EPB41L4A: variants seen among roughly 807,000 people sequenced by gnomAD.
EPB41L4A encodes the protein band 4.1-like protein 4A.
Under a neutral mutation model 108.6 loss-of-function variants are expected in EPB41L4A, and 100 were observed. The observed-to-expected ratio is 0.92, with a 90% CI of 0.78 to 1.09. The LOEUF is 1.09. Among genes scored for constraint, EPB41L4A ranks in the 50% least tolerant of loss-of-function variants. The pLI is 0.00. For missense variants in EPB41L4A, 1,030 were observed against 842.7 expected, an observed-to-expected ratio of 1.22 and a Z score of -2.75; for synonymous variants, 319 against 289.0, an observed-to-expected ratio of 1.10 and a Z score of -1.05.
chr5:112,323,225 G>T (rs1755918314), intron 1 of EPB41L4A, among the ~76,000 whole-genome samples: 1 of 151,964 alleles, frequency 6.6e-6, no homozygotes, highest in Non-Finnish European at 1.5e-5. Flanking sequence ...AAGAGGGAAG[G>T]AGGGACAAAA....
intron 1 of EPB41L4A, among the ~76,000 whole-genome samples, chr5:112,313,618 T>C (rs1207443316): frequency 6.6e-6 from 1 of 152,024 alleles, no homozygotes; most frequent in Non-Finnish European, 1.5e-5. Context: ...TTTTGTGCCT[T>C]GGACTAGCAA....
intron 12 of EPB41L4A, among the ~76,000 whole-genome samples, chr5:112,219,858 G>C (rs1490083646): frequency 6.6e-6 from 1 of 152,072 alleles, no homozygotes; most frequent in African/African-American, 2.4e-5. Flanking sequence ...ACCACACCCA[G>C]CTAATTTTTG....
At chr5:112,259,588 C>T (rs1211548582) in intron 8 of EPB41L4A, among the ~76,000 whole-genome samples, 1 of 152,198 alleles carries the variant, frequency 6.6e-6, no homozygotes, top group Non-Finnish European at 1.5e-5. Flanking sequence ...CAACTCATCC[C>T]CATTTGGAGC....
chr5:112,206,342 G>C (rs1762471993), intron 13 of EPB41L4A, among the ~76,000 whole-genome samples: 1 of 150,682 alleles, frequency 6.6e-6, no homozygotes, highest in East Asian at 1.9e-4. Flanking sequence ...ACAAAGAGGA[G>C]AGAGGAAAGA....
At chr5:112,287,669 C>T (rs1362176992) in intron 2 of EPB41L4A, among the ~76,000 whole-genome samples, 1 of 152,188 alleles carries the variant, frequency 6.6e-6, no homozygotes, top group Non-Finnish European at 1.5e-5. Flanking sequence ...CCTCTACTTT[C>T]CACTGTGTGT....
At chr5:112,351,398 AC>A (rs904139782) in intron 1 of EPB41L4A, among the ~76,000 whole-genome samples, 1 of 152,294 alleles carries the variant, frequency 6.6e-6, no homozygotes, top group South Asian at 2.1e-4. Flanking sequence ...GACACGTACA[AC>A]CCCCCAAGAC....
intron 1 of EPB41L4A, among the ~76,000 whole-genome samples, chr5:112,383,042 A>C (rs574850434): frequency 6.6e-6 from 1 of 152,356 alleles, no homozygotes; most frequent in East Asian, 1.9e-4. Flanking sequence ...AATAAATGCC[A>C]ATCAAGACAA....
chr5:112,312,952 T>C (rs1159560852), intron 1 of EPB41L4A, among the ~76,000 whole-genome samples: 2 of 152,206 alleles, frequency 1.3e-5, no homozygotes, highest in African/African-American at 4.8e-5. Flanking sequence ...TAAAGTATAT[T>C]TGTCCAGGAA....
chr5:112,301,314 G>A (rs1754343962), intron 2 of EPB41L4A, among the ~76,000 whole-genome samples: 1 of 152,128 alleles, frequency 6.6e-6, no homozygotes, highest in Non-Finnish European at 1.5e-5. Flanking sequence ...TAAGGCTGCT[G>A]TTCAGATTCT....
chr5:112,228,058 A>T (rs1310122071), intron 12 of EPB41L4A, among the ~76,000 whole-genome samples: 2 of 152,170 alleles, frequency 1.3e-5, no homozygotes, highest in African/African-American at 4.8e-5. Flanking sequence ...TGCTGCAGAA[A>T]CATAGTGTGA....
intron 14 of EPB41L4A, among the ~76,000 whole-genome samples, chr5:112,204,934 G>C (rs1762399987): frequency 6.6e-6 from 1 of 152,112 alleles, no homozygotes; most frequent in African/African-American, 2.4e-5. Flanking sequence ...AAATAAAGTA[G>C]CTAGGAAGTG....
At chr5:112,260,069 A>G (rs960762469) in intron 7 of EPB41L4A, 90 bp from the exon 8 acceptor site, 1 of 944,780 alleles carries the variant, frequency 1.1e-6, no homozygotes, top group African/African-American at 1.7e-5. Flanking sequence ...AATTTGTTAC[A>G]TTAATATTGG....
chr5:112,179,421 A>T (rs1761035354), intron 18 of EPB41L4A, among the ~76,000 whole-genome samples: 1 of 152,156 alleles, frequency 6.6e-6, no homozygotes, highest in Non-Finnish European at 1.5e-5. Flanking sequence ...AACAAAGAAA[A>T]AAATCTTAAC....
Position 112,264,879 on chromosome 5 carries a change from G to A in EPB41L4A, c.554+17C>T, listed in dbSNP as rs764036794. On this transcript the variant is annotated intron_variant, in intron 6 of 22. Transcript: ENST00000261486. ...ACTGATGGATGATGCAATAAGACAT[G>A]GTGTAATGATTCTTACATTAGAGTT... The A allele has an allele frequency of 4.6e-5, 73 of 1,602,382 alleles. No individual in the cohort carries two copies. The highest frequency in any genetic ancestry group is 5.7e-5 in the Non-Finnish European group (67 of 1,176,494).
intron 1 of EPB41L4A, among the ~76,000 whole-genome samples, chr5:112,385,177 G>C (rs188122327): frequency 6.6e-6 from 1 of 152,316 alleles, no homozygotes; most frequent in Admixed American, 6.5e-5. Flanking sequence ...AAAAGGACCA[G>C]AGGGAAAGCA....
rs143980358 is a variant in EPB41L4A, at chr5:112,385,833, G to T, written c.99+33108C>A. ...AGATAATAAGGTTTCAGTCTCACAA[G>T]CTCCTAGTGGGTGTTCAAATCGGTA... On this transcript the variant is annotated intron_variant, in intron 1 of 22. Coordinates refer to ENST00000261486, the MANE Select transcript of EPB41L4A (RefSeq NM_022140.5). 4.4e-4 allele frequency among the ~76,000 whole-genome samples: 67 copies of T among 152,260 alleles called. No homozygotes were observed. In the East Asian group the frequency reaches 0.013, roughly 29 times the overall value.
chr5:112,164,908 A>G lies in EPB41L4A; in HGVS notation c.*82T>C. 1 of 1,341,134 alleles carries G rather than the reference A, an allele frequency of 7.5e-7. No homozygotes were observed. The highest frequency in any genetic ancestry group is 1.0e-6 in the Non-Finnish European group (1 of 1,004,590). The allele number at this position is 1,341,134 out of a possible 1,614,324, so 83.1% of individuals were successfully genotyped here. A position where few individuals can be genotyped will look rare whatever the true frequency, so the allele number is the denominator to read the frequency against. On this transcript the variant is annotated 3_prime_UTR_variant, in exon 23 of 23. Transcript: ENST00000261486. ...AAATACTTGCAGGTCTGAGATTTGA[A>G]TTAAGATACCTATTTCACAGTTTCA...
intron 1 of EPB41L4A, among the ~76,000 whole-genome samples, chr5:112,311,978 A>T (rs1413076893): frequency 6.6e-6 from 1 of 152,234 alleles, no homozygotes; most frequent in Non-Finnish European, 1.5e-5. Context: ...GTGAACAAAG[A>T]GGAAACAATT....
intron 12 of EPB41L4A, among the ~76,000 whole-genome samples, chr5:112,153,284 G>A (rs1002827318): frequency 3.3e-5 from 5 of 152,018 alleles, no homozygotes; most frequent in Admixed American, 2.0e-4. Flanking sequence ...CCAGCACTTT[G>A]GGAGGCCAAG....
Sources: gnomAD v4.1 joint callset for allele counts (sites outside exome capture counted in the v4.1 genomes callset) on GRCh38, gnomAD v4.1.1 for gene constraint, MANE v1.5 for transcripts, NCBI Gene and HGNC (gene_info 2026-07-23, HGNC 2026-07-21) for gene names.